Variants in NBEA observed in about 807,000 individuals in gnomAD.
NBEA encodes the protein neurobeachin, also known as lysosomal-trafficking regulator 2.
A neutral mutation model predicts 343.4 loss-of-function variants in NBEA; 44 were observed. The observed-to-expected ratio is 0.13, with a 90% CI of 0.10 to 0.16. The LOEUF (loss-of-function observed/expected upper bound fraction) is 0.16, where lower values mean the gene tolerates loss of function less well. Ranked by LOEUF, NBEA falls within the 10% of genes least tolerant of loss-of-function variation. The pLI, the probability that NBEA is intolerant of heterozygous loss-of-function variation, is 1.00. For missense variants in NBEA, 2,555 were observed against 3,631.3 expected (o/e 0.70, Z 7.62); for synonymous variants, 1,175 against 1,238.7 (o/e 0.95, Z 1.08).
chr13:35,406,334 G>A (rs971523827), intron 38 of NBEA, among the ~76,000 whole-genome samples: 6 of 149,802 alleles, frequency 4.0e-5, no homozygotes, highest in Non-Finnish European at 8.9e-5. Context: ...TAGGTTTTGG[G>A]GGGAAAAGAT....
intron 41 of NBEA, among the ~76,000 whole-genome samples, chr13:35,533,918 G>T (rs1483371460): frequency 1.3e-5 from 2 of 152,112 alleles, no homozygotes; most frequent in African/African-American, 4.8e-5. Context: ...TCTATATATG[G>T]AGAAAATAAT....
chr13:35,014,250 A>G (rs1438352047), intron 1 of NBEA, among the ~76,000 whole-genome samples: 1 of 152,208 alleles, frequency 6.6e-6, no homozygotes, highest in Non-Finnish European at 1.5e-5. Context: ...GTTTTGAACA[A>G]GTGAATCTTC....
intron 11 of NBEA, among the ~76,000 whole-genome samples, chr13:35,107,964 A>G (rs1192865216): frequency 6.6e-6 from 1 of 152,026 alleles, no homozygotes; most frequent in East Asian, 1.9e-4. Context: ...GTTGTTAGTT[A>G]TTTGCAATCA....
chr13:35,195,785 A>AT, intron 30 of NBEA, 79 bp from the exon 31 acceptor site: 1 of 1,291,818 alleles, frequency 7.7e-7, no homozygotes, highest in Non-Finnish European at 1.0e-6. Context: ...TCTTTATTTG[A>AT]ATATATGAAA....
chr13:35,015,422 G>A (rs2061623901), intron 1 of NBEA, among the ~76,000 whole-genome samples: 1 of 152,030 alleles, frequency 6.6e-6, no homozygotes, highest in Admixed American at 6.6e-5. Flanking sequence ...AAAAAAGAGG[G>A]ATTTTGAAAC....
chr13:34,977,505 C>T (rs763740278), intron 1 of NBEA, among the ~76,000 whole-genome samples: 1 of 151,906 alleles, frequency 6.6e-6, no homozygotes, highest in Admixed American at 6.6e-5. Flanking sequence ...TACTGGGTTT[C>T]ACCATGTTGG....
intron 33 of NBEA, among the ~76,000 whole-genome samples, chr13:35,221,701 G>T (rs192569210): frequency 4.6e-5 from 7 of 151,912 alleles, no homozygotes; most frequent in Admixed American, 3.3e-4. Context: ...GTCTTTTTTC[G>T]ATTCACCACT....
At chr13:35,040,805 A>G (rs2062622549) in intron 1 of NBEA, 128 bp from the exon 2 acceptor site, 12 of 740,668 alleles carry the variant, frequency 1.6e-5, no homozygotes, top group Non-Finnish European at 2.6e-5. Context: ...TTTTGATCAA[A>G]ATTAATTTTA....
chr13:35,017,752 G>A (rs983021375), intron 1 of NBEA, among the ~76,000 whole-genome samples: 2 of 152,008 alleles, frequency 1.3e-5, no homozygotes, highest in Non-Finnish European at 2.9e-5. Context: ...GCTCCGGTTT[G>A]TCTTTCCATT....
intron 41 of NBEA, among the ~76,000 whole-genome samples, chr13:35,479,001 A>G (rs1264032118): frequency 6.6e-6 from 1 of 152,242 alleles, no homozygotes; most frequent in Non-Finnish European, 1.5e-5. Flanking sequence ...TGTGCAGCTT[A>G]ATTGGGTTAA....
At chr13:35,283,807 A>T (rs59984456) in intron 34 of NBEA, among the ~76,000 whole-genome samples, 5,700 of 152,274 alleles carry the variant, frequency 0.037, 127 homozygotes, top group South Asian at 0.078. Context: ...ATCTTACATG[A>T]AAGCTTTCAG....
intron 46 of NBEA, among the ~76,000 whole-genome samples, chr13:35,587,267 T>TTA (rs2081331937): frequency 6.6e-6 from 1 of 152,196 alleles, no homozygotes; most frequent in Non-Finnish European, 1.5e-5. Context: ...TGGGCTTAAG[T>TTA]AGCCCATGAG....
At chr13:35,071,330 A>G (rs1308773307) in intron 10 of NBEA, among the ~76,000 whole-genome samples, 4 of 152,016 alleles carry the variant, frequency 2.6e-5, no homozygotes, top group Non-Finnish European at 5.9e-5. Context: ...ATATTAATTG[A>G]CATCAGCCCT....
At chr13:35,429,836 C>CGTGTGTGTGT (rs1566121329) in intron 38 of NBEA, among the ~76,000 whole-genome samples, 3 of 52,040 alleles carry the variant, frequency 5.8e-5, no homozygotes, top group Non-Finnish European at 1.3e-4. Flanking sequence ...TGTGTGTGTA[C>CGTGTGTGTGT]ACACATTTTC....
intron 10 of NBEA, among the ~76,000 whole-genome samples, chr13:35,080,341 C>A (rs2064325684): frequency 2.0e-5 from 3 of 152,110 alleles, no homozygotes; most frequent in Admixed American, 1.3e-4. Context: ...AAGTCCTTTG[C>A]AGGATCATTT....
rs1381316424 is a variant in NBEA at position 35,401,087 on chromosome 13, T to C, written c.6180-31182T>C. Among the ~76,000 whole-genome samples, 3 of 152,056 alleles carry C rather than the reference T, an allele frequency of 2.0e-5. No individual in the cohort carries two copies. In the East Asian group the frequency reaches 5.8e-4, roughly 29 times the overall value. The stretch of plus-strand genomic sequence containing the variant: ...TTATATTATATTGTAATTATTTATC[T>C]ATTTGTTCTCCTTTCCACATTACTG... On this transcript the variant is annotated intron_variant, in intron 38 of 58. Coordinates refer to ENST00000379939, the MANE Select transcript of NBEA (RefSeq NM_001385012.1).
chr13:35,330,790 T>C (rs2038879298), intron 36 of NBEA, among the ~76,000 whole-genome samples: 1 of 152,040 alleles, frequency 6.6e-6, no homozygotes, highest in African/African-American at 2.4e-5. Context: ...TTATCAATTT[T>C]TTTCTAATAG....
At chr13:35,122,452 C>G (rs1425325377) in intron 16 of NBEA, among the ~76,000 whole-genome samples, 3 of 151,792 alleles carry the variant, frequency 2.0e-5, no homozygotes, top group Non-Finnish European at 4.4e-5. Context: ...CCATCATTCT[C>G]AGCAAACTAC....
At chr13:35,536,669 T>TAGACAGAC (rs879468484) in intron 41 of NBEA, among the ~76,000 whole-genome samples, 19 of 151,656 alleles carry the variant, frequency 1.3e-4, no homozygotes, top group East Asian at 9.7e-4. Context: ...GATAGATAGA[T>TAGACAGAC]AGACAGACAG....
Sources: gnomAD v4.1 joint callset for allele counts (sites outside exome capture counted in the v4.1 genomes callset) on GRCh38, gnomAD v4.1.1 for gene constraint, MANE v1.5 for transcripts, NCBI Gene and HGNC (gene_info 2026-07-23, HGNC 2026-07-21) for gene names.